The following TRIM22 variants were observed in gnomAD, a reference collection of about 807,000 sequenced individuals.
The protein encoded by TRIM22 is tripartite motif containing 22.
TRIM22 carries 45 observed loss-of-function variants against 53.6 expected under a neutral mutation model. The observed-to-expected ratio is 0.84, with a 90% CI of 0.66 to 1.08. TRIM22 has a LOEUF of 1.08. Among genes scored for constraint, TRIM22 ranks in the 50% least tolerant of loss-of-function variants. The pLI is 0.00. For synonymous variants in TRIM22, 225 were observed against 216.6 expected, an observed-to-expected ratio of 1.04 and a Z score of -0.34; for missense variants, 616 against 590.9, an observed-to-expected ratio of 1.04 and a Z score of -0.44.
At chr11:5,701,134 G>A (rs1210441382) in intron 4 of TRIM22, among the ~76,000 whole-genome samples, 1 of 152,098 alleles carries the variant, frequency 6.6e-6, no homozygotes, top group Non-Finnish European at 1.5e-5. Context: ...TTGCATCTGT[G>A]TTCATGAGAG....
chr11:5,697,151 G>A lies in TRIM22; in HGVS notation c.424-97G>A, dbSNP rs949569629. On this transcript the variant is annotated intron_variant, in intron 2 of 7. Transcript: ENST00000379965. ...CCAGCCTCACTGTTTCTGTAAACTA[G>A]TTTCTTCTGAGAGCCATCCAATTTC... 2.2e-5 allele frequency: 20 copies of A among 891,054 alleles called. No individual in the cohort carries two copies. In the East Asian group the frequency reaches 5.0e-4, roughly 22 times the overall value. The allele number at this position is 891,054 out of a possible 1,614,324, so 55.2% of individuals were successfully genotyped here. A position where few individuals can be genotyped will look rare whatever the true frequency, so the allele number is the denominator to read the frequency against.
At chr11:5,700,182 G>A (rs567893244) in intron 4 of TRIM22, among the ~76,000 whole-genome samples, 1 of 151,880 alleles carries the variant, frequency 6.6e-6, no homozygotes, top group Non-Finnish European at 1.5e-5. Context: ...GAATGTGGTG[G>A]CACAATCTCA....
At chr11:5,696,061 T>C (rs1334009254) in intron 1 of TRIM22, 106 bp from the exon 2 acceptor site, 11 of 540,304 alleles carry the variant, frequency 2.0e-5, no homozygotes. Context: ...CTTTCTTTTC[T>C]CCTTTCTCTG....
chr11:5,698,766 AG>A (rs1189748539), intron 4 of TRIM22, among the ~76,000 whole-genome samples: 1 of 152,230 alleles, frequency 6.6e-6, no homozygotes, highest in East Asian at 1.9e-4. Context: ...TTATGAGAGC[AG>A]TGTAAAAATT....
chr11:5,702,620 T>C (rs1341672959), intron 4 of TRIM22, among the ~76,000 whole-genome samples: 1 of 151,964 alleles, frequency 6.6e-6, no homozygotes, highest in African/African-American at 2.4e-5. Flanking sequence ...CAATCTTGAG[T>C]AACGTTGCTG....
intron 4 of TRIM22, among the ~76,000 whole-genome samples, chr11:5,701,149 T>C (rs1282877355): frequency 6.6e-6 from 1 of 152,220 alleles, no homozygotes; most frequent in African/African-American, 2.4e-5. Context: ...TGAGAGATAC[T>C]GGTTTCTGGT....
intron 1 of TRIM22, among the ~76,000 whole-genome samples, chr11:5,692,188 A>G (rs1394356748): frequency 6.6e-6 from 1 of 152,220 alleles, no homozygotes; most frequent in Non-Finnish European, 1.5e-5. Context: ...GGATAAATGT[A>G]AAACCAATAA....
At chr11:5,700,037 T>A (rs1249319500) in intron 4 of TRIM22, among the ~76,000 whole-genome samples, 1 of 151,996 alleles carries the variant, frequency 6.6e-6, no homozygotes, top group East Asian at 1.9e-4. Flanking sequence ...TTAATGTCAA[T>A]TCTTTGGCAT....
intron 4 of TRIM22, 31 bp from the exon 5 acceptor site, chr11:5,706,563 T>A (rs756167791): frequency 6.2e-7 from 1 of 1,610,844 alleles, no homozygotes; most frequent in East Asian, 2.2e-5. Context: ...GGCAACCCTA[T>A]CTTGACTCAT....
Position 5,696,402 on chromosome 11 carries a change from CT to C in TRIM22, c.171del (p.Val58CysfsTer20). 6.2e-7 allele frequency: 1 copy of C among 1,614,244 alleles called. No homozygotes were observed. ...ATCTCAAGAGGGGAAAGCAGCTGTC[CT>C]GTGTGTCAGACCAGATTCCAGCCTG... ...VIISRGESSCPVCQTRFQPGN... is the reference protein window; with the variant it reads ...VIISRGESSCXVCQTRFQPGN... On this transcript the variant is annotated frameshift_variant, in exon 2 of 8. Transcript: ENST00000379965. LOFTEE classifies it high-confidence loss of function.
chr11:5,705,837 T>C (rs1853449596), intron 4 of TRIM22, among the ~76,000 whole-genome samples: 1 of 152,150 alleles, frequency 6.6e-6, no homozygotes, highest in Non-Finnish European at 1.5e-5. Context: ...GTAAGTTACA[T>C]TTAAGACCTA....
Position 5,709,548 on chromosome 11 carries a change from T to C in TRIM22, c.1397T>C (p.Ile466Thr). The C allele has an allele frequency of 6.2e-7, 1 of 1,614,158 alleles. No individual in the cohort carries two copies. Among genetic ancestry groups the C allele is most frequent in the Non-Finnish European group, 8.5e-7 (1 of 1,180,042 alleles). The change falls in exon 8 of 8, where the codon ATC becomes ACC. Residue 466 changes from isoleucine (I) to threonine (T), a missense_variant. Physicochemically the swap from Ile to Thr is moderately conservative, Grantham distance 89. Transcript: ENST00000379965. ...AATGTCACAAACCACGGAGCACTCA[T>C]CTACAAGTTCTCTGGATGTCGCTTT... Reference protein sequence around the residue: ...FFNVTNHGALIYKFSGCRFSR... With the variant: ...FFNVTNHGALTYKFSGCRFSR...
chr11:5,696,271 G>C lies in TRIM22; in HGVS notation c.39G>C (p.Val13=). The part of the protein sequence containing the change: ...FSVKVDIEKE[V]TCPICLELLT... ...TAAAGGTAGACATAGAGAAGGAGGT[G>C]ACCTGCCCCATCTGCCTGGAGCTCC... Residue 13 remains valine, a synonymous_variant, in exon 2 of 8, where the codon GTG becomes GTC. Transcript: ENST00000379965. 6.2e-7 allele frequency: 1 copy of C among 1,613,830 alleles called. No homozygotes were observed. Among genetic ancestry groups the C allele is most frequent in the Non-Finnish European group, 8.5e-7 (1 of 1,179,836 alleles).
Position 5,709,475 on chromosome 11 carries a change from C to T in TRIM22, c.1324C>T (p.Arg442Cys), listed in dbSNP as rs187416296. 11,522 of 1,614,144 alleles carry T rather than the reference C, an allele frequency of 7.1e-3. 59 individuals carry two copies. Among genetic ancestry groups the T allele is most frequent in the Non-Finnish European group, 8.1e-3 (9,515 of 1,180,034 alleles). The part of the protein sequence containing the change: ...LTLFMAVPPC[R>C]IGVFLDYEAG... ...TCTCTTTATGGCTGTGCCTCCCTGT[C>T]GTATTGGGGTTTTCCTAGACTATGA... The change falls in exon 8 of 8, where the codon CGT (arginine) becomes TGT (cysteine). Residue 442 changes from arginine to cysteine, a missense_variant. Coordinates refer to ENST00000379965, the MANE Select transcript of TRIM22 (RefSeq NM_006074.5).
chr11:5,703,600 C>T lies in TRIM22; in HGVS notation c.751-2994C>T, dbSNP rs568324403. 2.0e-5 allele frequency among the ~76,000 whole-genome samples: 3 copies of T among 151,934 alleles called. No individual in the cohort carries two copies. The South Asian group carries it at 6.2e-4, about 32-fold the overall frequency. ...CGGGGTTTCACCTTGTTAGCCAGGACAGTCTCGATCTCCTGACCTCGTGAT... is the reference window on the plus strand; with the variant it reads ...CGGGGTTTCACCTTGTTAGCCAGGATAGTCTCGATCTCCTGACCTCGTGAT... On this transcript the variant is annotated intron_variant, in intron 4 of 7. Coordinates refer to ENST00000379965, the MANE Select transcript of TRIM22 (RefSeq NM_006074.5).
chr11:5,708,553 T>A, intron 6 of TRIM22, 24 bp from the exon 7 acceptor site: 4 of 1,597,754 alleles, frequency 2.5e-6, no homozygotes, highest in Non-Finnish European at 3.4e-6. Flanking sequence ...TCTAACAACA[T>A]CACTGAAACT....
In TRIM22 at chr11:5,709,642, C is replaced by A; in HGVS notation, c.1491C>A (p.Ser497Arg). The A allele has an allele frequency of 6.2e-7, 1 of 1,601,418 alleles. No individual in the cohort carries two copies. The highest frequency in any genetic ancestry group is 8.5e-7 in the Non-Finnish European group (1 of 1,177,716). The change falls in exon 8 of 8, where the codon AGC (serine) becomes AGA (arginine). Residue 497 changes from serine (S) to arginine (R), a missense_variant. Ser to Arg is a moderately radical substitution (Grantham distance 110). Coordinates refer to ENST00000379965, the MANE Select transcript of TRIM22 (RefSeq NM_006074.5). ...TCCCCATGACTGTGTGCCCACCGAG[C>A]TCCTGAGTGTTCTCATTCCTTTACC... ...CLVPMTVCPP[S>R]S
rs1288073655 is a variant in TRIM22 at position 5,710,268 on chromosome 11, T to C, written c.*620T>C. ...GTTTCACTAGTAGTAAACATTATTA[T>C]TTTTTTTATATTTGCAAAGGAAACA... On this transcript the variant is annotated 3_prime_UTR_variant, in exon 8 of 8. Transcript: ENST00000379965. 4 of 139,878 alleles carry C rather than the reference T, an allele frequency of 2.9e-5. No individual in the cohort carries two copies. Among genetic ancestry groups the C allele is most frequent in the East Asian group, 3.0e-4 (1 of 3,356 alleles). The allele number at this position is 139,878 out of a possible 1,614,324, so 8.7% of individuals were successfully genotyped here.
At chr11:5,694,236 C>T (rs771826076) in intron 1 of TRIM22, among the ~76,000 whole-genome samples, 10 of 152,204 alleles carry the variant, frequency 6.6e-5, no homozygotes, top group Non-Finnish European at 1.0e-4. Context: ...ATGTACTTGG[C>T]CTCCTTTATG....
Sources: gnomAD v4.1 joint callset for allele counts (sites outside exome capture counted in the v4.1 genomes callset) on GRCh38, gnomAD v4.1.1 for gene constraint, MANE v1.5 for transcripts, NCBI Gene and HGNC (gene_info 2026-07-23, HGNC 2026-07-21) for gene names.